SHISA6: variants seen among roughly 807,000 people sequenced by gnomAD.
SHISA6 encodes shisa family member 6, also known as protein shisa-6.
SHISA6 carries 22 observed loss-of-function variants against 47.9 expected under a neutral mutation model. That is an observed-to-expected ratio of 0.46 (90% confidence interval 0.33 to 0.66). The LOEUF is 0.66. Ranked by LOEUF, SHISA6 falls within the 30% of genes least tolerant of loss-of-function variation. The pLI, the probability that SHISA6 is intolerant of heterozygous loss-of-function variation, is 0.02. For missense variants in SHISA6, 680 were observed against 764.6 expected (o/e 0.89, Z 1.30); for synonymous variants, 388 against 337.8 (o/e 1.15, Z -1.63).
chr17:11,527,680 A>G (rs542101873), intron 3 of SHISA6, among the ~76,000 whole-genome samples: 1 of 152,324 alleles, frequency 6.6e-6, no homozygotes, highest in South Asian at 2.1e-4. Flanking sequence ...ATAAAGTTTT[A>G]TTGGAATACA....
At chr17:11,345,936 T>G (rs2142216528) in intron 2 of SHISA6, among the ~76,000 whole-genome samples, 1 of 152,242 alleles carries the variant, frequency 6.6e-6, no homozygotes, top group Admixed American at 6.5e-5. Flanking sequence ...TCTTTCCAAT[T>G]TGCTTATCTT....
At chr17:11,325,616 A>G (rs1910854090) in intron 2 of SHISA6, among the ~76,000 whole-genome samples, 1 of 152,138 alleles carries the variant, frequency 6.6e-6, no homozygotes, top group Admixed American at 6.6e-5. Flanking sequence ...AGGAAGTGAA[A>G]TGGCAAGAAA....
chr17:11,347,611 A>C (rs909469066), intron 2 of SHISA6, among the ~76,000 whole-genome samples: 2 of 152,258 alleles, frequency 1.3e-5, no homozygotes, highest in Non-Finnish European at 2.9e-5. Context: ...CTAAGGTCAA[A>C]TAGAAAGTCA....
intron 3 of SHISA6, among the ~76,000 whole-genome samples, chr17:11,523,735 G>A (rs1311081296): frequency 1.3e-5 from 2 of 152,188 alleles, no homozygotes; most frequent in African/African-American, 4.8e-5. Flanking sequence ...GCTGGGCGCA[G>A]TGACTCATGC....
chr17:11,526,948 A>C (rs2071692321), intron 3 of SHISA6, among the ~76,000 whole-genome samples: 1 of 137,520 alleles, frequency 7.3e-6, no homozygotes, highest in Admixed American at 7.4e-5. Context: ...ATAATGATCA[A>C]ATCAGGGTAT....
At chr17:11,548,012 A>G (rs2071897014) in intron 3 of SHISA6, among the ~76,000 whole-genome samples, 1 of 152,240 alleles carries the variant, frequency 6.6e-6, no homozygotes, top group Non-Finnish European at 1.5e-5. Flanking sequence ...TGGGAAGGCA[A>G]TATACATAAC....
At chr17:11,350,737 A>G (rs1215609997) in intron 2 of SHISA6, among the ~76,000 whole-genome samples, 1 of 152,180 alleles carries the variant, frequency 6.6e-6, no homozygotes, top group Non-Finnish European at 1.5e-5. Context: ...AAATCTGGTC[A>G]TGCCATTCCC....
At chr17:11,382,476 C>T (rs1462416967) in intron 3 of SHISA6, among the ~76,000 whole-genome samples, 1 of 152,178 alleles carries the variant, frequency 6.6e-6, no homozygotes, top group African/African-American at 2.4e-5. Flanking sequence ...TCAGAGCAAA[C>T]TAAGTTCAAC....
chr17:11,280,734 A>G (rs1909088711), intron 2 of SHISA6, among the ~76,000 whole-genome samples: 2 of 152,240 alleles, frequency 1.3e-5, no homozygotes, highest in South Asian at 2.1e-4. Flanking sequence ...AAGGAAAACT[A>G]TCAGGGTAGA....
intron 5 of SHISA6, among the ~76,000 whole-genome samples, chr17:11,556,922 A>G (rs143235023): frequency 6.6e-6 from 1 of 152,258 alleles, no homozygotes; most frequent in East Asian, 1.9e-4. Flanking sequence ...TGCAAGTCCA[A>G]GTAGGCTTGT....
At chr17:11,545,022 C>CTA (rs1430127488) in intron 3 of SHISA6, among the ~76,000 whole-genome samples, 1 of 151,236 alleles carries the variant, frequency 6.6e-6, no homozygotes, top group African/African-American at 2.4e-5. Context: ...AATTGCATTC[C>CTA]TAGGTATTTA....
At chr17:11,265,090 G>A (rs1440688938) in intron 2 of SHISA6, among the ~76,000 whole-genome samples, 1 of 152,162 alleles carries the variant, frequency 6.6e-6, no homozygotes, top group Non-Finnish European at 1.5e-5. Context: ...CTGGACCAGT[G>A]GTCATCTACA....
At chr17:11,258,783 T>C (rs1354431581) in intron 1 of SHISA6, among the ~76,000 whole-genome samples, 1 of 152,218 alleles carries the variant, frequency 6.6e-6, no homozygotes, top group Non-Finnish European at 1.5e-5. Flanking sequence ...AATGACACAC[T>C]AAGGTGAATA....
At chr17:11,360,171 A>G (rs971313488) in intron 2 of SHISA6, among the ~76,000 whole-genome samples, 1 of 152,220 alleles carries the variant, frequency 6.6e-6, no homozygotes, top group African/African-American at 2.4e-5. Context: ...TTGCAGGGAC[A>G]TGGATGAAGC....
intron 3 of SHISA6, among the ~76,000 whole-genome samples, chr17:11,546,566 CT>C (rs2071885233): frequency 6.6e-6 from 1 of 152,094 alleles, no homozygotes; most frequent in African/African-American, 2.4e-5. Flanking sequence ...AAAAAGGAAG[CT>C]GGGATGGCAA....
intron 1 of SHISA6, among the ~76,000 whole-genome samples, chr17:11,262,840 C>T (rs970859956): frequency 2.0e-5 from 3 of 152,232 alleles, no homozygotes; most frequent in Admixed American, 1.3e-4. Flanking sequence ...CTTTTCATCT[C>T]TATGTCCTGT....
chr17:11,324,787 A>C (rs1439075568), intron 2 of SHISA6, among the ~76,000 whole-genome samples: 2 of 152,188 alleles, frequency 1.3e-5, no homozygotes, highest in African/African-American at 4.8e-5. Flanking sequence ...ATCCCATGTC[A>C]TCCGACCTGT....
chr17:11,439,421 C>A (rs1160063851), intron 3 of SHISA6, among the ~76,000 whole-genome samples: 1 of 152,040 alleles, frequency 6.6e-6, no homozygotes, highest in Non-Finnish European at 1.5e-5. Flanking sequence ...CATTGGAAAG[C>A]CTTAGCATGC....
At chr17:11,315,317 A>G (rs1045638079) in intron 2 of SHISA6, among the ~76,000 whole-genome samples, 5 of 152,116 alleles carry the variant, frequency 3.3e-5, no homozygotes, top group African/African-American at 4.8e-5. Context: ...TTTTCTTCCT[A>G]GTTTTAATAG....
Sources: gnomAD v4.1 joint callset for allele counts (sites outside exome capture counted in the v4.1 genomes callset) on GRCh38, gnomAD v4.1.1 for gene constraint, MANE v1.5 for transcripts, NCBI Gene and HGNC (gene_info 2026-07-23, HGNC 2026-07-21) for gene names.